The following TOP1MT variants were observed in gnomAD, a reference collection of about 807,000 sequenced individuals.
TOP1MT encodes the protein DNA topoisomerase I, mitochondrial.
TOP1MT carries 80 observed loss-of-function variants against 73.9 expected under a neutral mutation model. The observed-to-expected ratio is 1.08, with a 90% CI of 0.90 to 1.30. The LOEUF is 1.30. TOP1MT is among the 50% of genes most tolerant of loss of function. The probability of loss-of-function intolerance (pLI) is 0.00; values close to 1 mark genes in which losing one functional copy is unlikely to be tolerated. For missense variants in TOP1MT, 815 were observed against 808.0 expected, an observed-to-expected ratio of 1.01 and a Z score of -0.10; for synonymous variants, 338 against 326.4, an observed-to-expected ratio of 1.04 and a Z score of -0.38.
At chr8:143,330,218 C>T (rs1416002170) in intron 2 of TOP1MT, among the ~76,000 whole-genome samples, 1 of 152,208 alleles carries the variant, frequency 6.6e-6, no homozygotes, top group Non-Finnish European at 1.5e-5. Flanking sequence ...TGTGGAGGCT[C>T]GGCCCCACTG....
chr8:143,327,766 A>AC, intron 3 of TOP1MT: 2 of 364,904 alleles, frequency 5.5e-6, no homozygotes, highest in Non-Finnish European at 1.1e-5. Flanking sequence ...GCATCAGGCC[A>AC]AAGAAGAGGG....
intron 13 of TOP1MT, 186 bp from the exon 14 acceptor site, chr8:143,309,729 G>A: frequency 6.5e-7 from 1 of 1,528,880 alleles, no homozygotes; most frequent in South Asian, 1.2e-5. Context: ...GCATCAGCGA[G>A]GTGTCAAAGA....
intron 7 of TOP1MT, among the ~76,000 whole-genome samples, chr8:143,323,402 CCA>C (rs747452169): frequency 9.2e-5 from 11 of 119,736 alleles, no homozygotes; most frequent in Non-Finnish European, 1.3e-4. Flanking sequence ...CACAGGCACG[CCA>C]CACACGCACG....
intron 7 of TOP1MT, 66 bp from the exon 8 acceptor site, chr8:143,321,452 CA>C: frequency 2.5e-6 from 2 of 798,746 alleles, no homozygotes; most frequent in South Asian, 3.7e-5. Context: ...ACGCACGCCA[CA>C]CACACGCACG....
chr8:143,334,106 A>C (rs1004427542), intron 1 of TOP1MT: 1 of 151,918 alleles, frequency 6.6e-6, no homozygotes, highest in African/African-American at 2.4e-5. Flanking sequence ...TCTCCCACGC[A>C]CCAGTGAGGC....
Position 143,315,788 on chromosome 8 carries a change from T to C in TOP1MT, c.1492A>G (p.Arg498Gly), listed in dbSNP as rs769798779. The stretch of plus-strand genomic sequence containing the variant: ...GCCCTCGCCCTCCTCAGCTCTGCCC[T>C]GGCCTCAGCCACCTGCTCCTTCTTT... ...QAKKEQVAEA[R>G]AELRRARAEH... The change falls in exon 12 of 14, where the codon AGG (arginine) becomes GGG (glycine). Residue 498 changes from arginine (R) to glycine (G), a missense_variant. By Grantham distance (125) the Arg-to-Gly change is moderately radical (BLOSUM62 -2). Around this residue, in one of 3 missense-constraint regions of TOP1MT, gnomAD observed 751 missense variants for 725.4 expected, o/e 1.04. Coordinates refer to ENST00000329245, the MANE Select transcript of TOP1MT (RefSeq NM_052963.3). The C allele has an allele frequency of 2.5e-6, 4 of 1,613,920 alleles. No homozygotes were observed. Among genetic ancestry groups the C allele is most frequent in the South Asian group, 1.1e-5 (1 of 91,086 alleles).
rs1428027776 is a variant in TOP1MT at position 143,326,949 on chromosome 8, T to A, written c.361-605A>T. Among the ~76,000 whole-genome samples the A allele has an allele frequency of 2.0e-5, 3 of 152,286 alleles. No individual in the cohort carries two copies. In the East Asian group the frequency reaches 5.8e-4, roughly 29 times the overall value. On this transcript the variant is annotated intron_variant, in intron 3 of 13. Transcript: ENST00000329245. ...GGCCCAGTCCCTGCTTCTGAGAGGA[T>A]GCCCTGAAGGCTGTCCTCACACAGT...
chr8:143,309,710 C>T, intron 13 of TOP1MT, 167 bp from the exon 14 acceptor site: 1 of 1,518,864 alleles, frequency 6.6e-7, no homozygotes, highest in Non-Finnish European at 8.8e-7. Flanking sequence ...CGCATGCCGC[C>T]ACCCTGGAGC....
upstream of TOP1MT, among the ~76,000 whole-genome samples, chr8:143,348,248 CAT>C (rs905842582): frequency 3.2e-4 from 48 of 152,196 alleles, no homozygotes; most frequent in African/African-American, 1.0e-3. The surrounding 1 kb of genome is among the most constrained non-coding windows in gnomAD (Gnocchi z 4.6). Flanking sequence ...GAGCAGCAGA[CAT>C]GTGAGAAAAT....
intron 1 of TOP1MT, among the ~76,000 whole-genome samples, chr8:143,354,931 C>T (rs972110522): frequency 4.6e-5 from 7 of 152,120 alleles, no homozygotes; most frequent in Non-Finnish European, 7.4e-5. Flanking sequence ...AGGAAAGTGA[C>T]GGACAGAAAA....
upstream of TOP1MT, among the ~76,000 whole-genome samples, chr8:143,347,206 G>A (rs747281096): frequency 1.3e-5 from 2 of 151,952 alleles, no homozygotes; most frequent in Non-Finnish European, 2.9e-5. Context: ...CCAGGCTGGG[G>A]TGCAGTGGCG....
upstream of TOP1MT, among the ~76,000 whole-genome samples, chr8:143,358,158 G>A (rs1245935970): frequency 2.0e-5 from 3 of 152,108 alleles, no homozygotes. Context: ...CCTGGTCTTC[G>A]CCCTGTCTTC....
chr8:143,344,641 C>A lies in TOP1MT; in HGVS notation c.-39+275G>T. Reference sequence around the variant, plus strand: ...CAGCTACAGGGACAGCTGATGGTCACACAGACCCCACAGCGATCTCTGTCA... The same window carrying A: ...CAGCTACAGGGACAGCTGATGGTCAAACAGACCCCACAGCGATCTCTGTCA... On this transcript the variant is annotated intron_variant, in intron 1 of 5. Transcript: ENST00000518007. This position sits in a 1 kb window ranked among gnomAD's most constrained non-coding sequence, Gnocchi z 4.6. 1 of 152,852 alleles carries A rather than the reference C, an allele frequency of 6.5e-6. No homozygotes were observed. The highest frequency in any genetic ancestry group is 1.5e-5 in the Non-Finnish European group (1 of 68,476). 9.5% of individuals were successfully genotyped at this position (152,852 alleles called of 1,614,324 possible).
intron 13 of TOP1MT, chr8:143,309,774 G>C: frequency 6.5e-7 from 1 of 1,533,498 alleles, no homozygotes; most frequent in Non-Finnish European, 8.7e-7. Flanking sequence ...ACCGAGCAGG[G>C]CGCTCAGCCA....
chr8:143,329,518 C>G, intron 2 of TOP1MT, 47 bp from the exon 3 acceptor site: 1 of 1,584,974 alleles, frequency 6.3e-7, no homozygotes, highest in Non-Finnish European at 8.5e-7. Flanking sequence ...GCCAGAGGCT[C>G]GGCCTCCAGC....
At chr8:143,345,449 C>T (rs1270285285), upstream of TOP1MT, among the ~76,000 whole-genome samples, 1 of 152,256 alleles carries the variant, frequency 6.6e-6, no homozygotes, top group Non-Finnish European at 1.5e-5. Context: ...AAACTCGACA[C>T]AGACACAGAG....
chr8:143,342,131 T>A (rs1817103799), intron 2 of TOP1MT, among the ~76,000 whole-genome samples: 1 of 125,312 alleles, frequency 8.0e-6, no homozygotes, highest in African/African-American at 5.3e-5. Flanking sequence ...ACAGTCTCGC[T>A]CTGTTATTAT....
upstream of TOP1MT, among the ~76,000 whole-genome samples, chr8:143,337,240 G>T (rs922107183): frequency 6.6e-6 from 1 of 152,040 alleles, no homozygotes; most frequent in Non-Finnish European, 1.5e-5. Context: ...TGGCTAAAAC[G>T]TCTCTACTAA....
chr8:143,349,580 G>A (rs1817286895), upstream of TOP1MT, among the ~76,000 whole-genome samples: 1 of 151,676 alleles, frequency 6.6e-6, no homozygotes, highest in Middle Eastern at 3.2e-3. Context: ...CTGTGTGTAT[G>A]CCTGAATTGC....
Sources: allele counts gnomAD v4.1 joint callset (sites outside exome capture counted in the v4.1 genomes callset), GRCh38; gene constraint gnomAD v4.1.1; regional missense constraint gnomAD v4.1.1; non-coding constraint Gnocchi (gnomAD v3.1); transcripts MANE v1.5; gene names NCBI Gene and HGNC (gene_info 2026-07-23, HGNC 2026-07-21).